Variants in NCKAP5 observed in about 807,000 individuals in gnomAD.
NCKAP5 encodes NCK associated protein 5.
In NCKAP5, 92 loss-of-function variants were observed where a neutral mutation model predicts 167.0. The observed-to-expected ratio is 0.55, with a 90% CI of 0.47 to 0.66. The LOEUF (loss-of-function observed/expected upper bound fraction) is 0.66, where lower values mean the gene tolerates loss of function less well. Among genes scored for constraint, NCKAP5 ranks in the 30% least tolerant of loss-of-function variants. The pLI, the probability that NCKAP5 is intolerant of heterozygous loss-of-function variation, is 0.00. For synonymous variants in NCKAP5, 891 were observed against 877.4 expected, an observed-to-expected ratio of 1.02 and a Z score of -0.27; for missense variants, 2,378 against 2,315.0, an observed-to-expected ratio of 1.03 and a Z score of -0.56.
chr2:133,431,498 G>A (rs953936826), intron 3 of NCKAP5, among the ~76,000 whole-genome samples: 3 of 152,138 alleles, frequency 2.0e-5, no homozygotes, highest in South Asian at 2.1e-4. Context: ...TGAACTTTCT[G>A]TTTCACTGAC....
chr2:133,244,100 C>G (rs2087860473), intron 4 of NCKAP5, among the ~76,000 whole-genome samples: 1 of 152,146 alleles, frequency 6.6e-6, no homozygotes, highest in Admixed American at 6.6e-5. Context: ...CTCCAGAGAT[C>G]TATTTCTAGA....
At chr2:132,979,214 CACTA>C (rs1449329595) in intron 7 of NCKAP5, among the ~76,000 whole-genome samples, 2 of 152,172 alleles carry the variant, frequency 1.3e-5, no homozygotes, top group Non-Finnish European at 2.9e-5. Flanking sequence ...TAGCAGGCAC[CACTA>C]ACTAAGGCGA....
intron 5 of NCKAP5, among the ~76,000 whole-genome samples, chr2:133,140,899 A>G (rs2082971389): frequency 6.6e-6 from 1 of 151,908 alleles, no homozygotes; most frequent in Non-Finnish European, 1.5e-5. Flanking sequence ...GTCTCTTCAA[A>G]GAGCACACTT....
intron 2 of NCKAP5, among the ~76,000 whole-genome samples, chr2:133,539,826 A>AT (rs1419381028): frequency 1.3e-5 from 2 of 152,222 alleles, no homozygotes; most frequent in African/African-American, 4.8e-5. Flanking sequence ...ATAGAATAAC[A>AT]TAGAACAAAT....
At chr2:132,947,757 G>A (rs570571287) in intron 8 of NCKAP5, among the ~76,000 whole-genome samples, 1 of 152,146 alleles carries the variant, frequency 6.6e-6, no homozygotes, top group East Asian at 1.9e-4. Context: ...TTAATTCCCA[G>A]ATATGGGAAA....
At chr2:132,823,987 A>G (rs1054021652) in intron 11 of NCKAP5, among the ~76,000 whole-genome samples, 2 of 152,236 alleles carry the variant, frequency 1.3e-5, no homozygotes, top group Admixed American at 6.5e-5. Flanking sequence ...GGAAAATATC[A>G]GAATCCTAAA....
At chr2:132,766,305 A>C (rs1681485427) in intron 16 of NCKAP5, among the ~76,000 whole-genome samples, 1 of 147,122 alleles carries the variant, frequency 6.8e-6, no homozygotes, top group Admixed American at 6.7e-5. Flanking sequence ...AAAAAAAAAA[A>C]GAGAAAATCA....
intron 3 of NCKAP5, among the ~76,000 whole-genome samples, chr2:133,381,149 G>A (rs1484633958): frequency 6.6e-6 from 1 of 152,188 alleles, no homozygotes; most frequent in African/African-American, 2.4e-5. Context: ...AGGGAAAACA[G>A]AAGGCCATAT....
intron 5 of NCKAP5, among the ~76,000 whole-genome samples, chr2:133,175,301 C>G (rs1222938074): frequency 2.6e-5 from 4 of 151,962 alleles, no homozygotes; most frequent in Non-Finnish European, 5.9e-5. Context: ...TTTTTTTGCC[C>G]TAGTTTGTCT....
intron 4 of NCKAP5, among the ~76,000 whole-genome samples, chr2:133,220,781 C>A (rs1210992253): frequency 1.3e-5 from 2 of 152,108 alleles, no homozygotes; most frequent in African/African-American, 4.8e-5. Flanking sequence ...TGCTACAGAG[C>A]CATCTGTTGC....
intron 8 of NCKAP5, among the ~76,000 whole-genome samples, chr2:132,879,443 C>G (rs1691578660): frequency 1.3e-5 from 2 of 152,188 alleles, no homozygotes; most frequent in Admixed American, 1.3e-4. Context: ...TTAAGCATCC[C>G]CTTCCCCACA....
intron 3 of NCKAP5, among the ~76,000 whole-genome samples, chr2:133,448,980 C>T (rs1691382793): frequency 6.6e-6 from 1 of 152,214 alleles, no homozygotes. Context: ...GACATATGCA[C>T]CATGTACACA....
intron 5 of NCKAP5, among the ~76,000 whole-genome samples, chr2:133,188,419 C>T (rs1431454636): frequency 6.6e-6 from 1 of 152,090 alleles, no homozygotes; most frequent in Non-Finnish European, 1.5e-5. Context: ...GAACCCAGCT[C>T]TGCACCAAGC....
intron 6 of NCKAP5, among the ~76,000 whole-genome samples, chr2:133,065,318 T>C (rs1443932101): frequency 1.3e-5 from 2 of 152,210 alleles, no homozygotes; most frequent in Non-Finnish European, 2.9e-5. Flanking sequence ...GCCATTTCTA[T>C]AGTTTTCCTC....
chr2:133,318,435 T>G (rs1681770942), intron 3 of NCKAP5, among the ~76,000 whole-genome samples: 1 of 152,204 alleles, frequency 6.6e-6, no homozygotes, highest in Admixed American at 6.5e-5. Flanking sequence ...ACAAAATGAT[T>G]ACCAATACTG....
chr2:132,758,208 A>T (rs1475116615), intron 16 of NCKAP5, among the ~76,000 whole-genome samples: 2 of 152,152 alleles, frequency 1.3e-5, no homozygotes, highest in Non-Finnish European at 2.9e-5. Context: ...GTGTGGGGGC[A>T]AATGAACCCT....
intron 4 of NCKAP5, among the ~76,000 whole-genome samples, chr2:133,256,964 C>T (rs1044535407): frequency 6.6e-6 from 1 of 152,190 alleles, no homozygotes; most frequent in African/African-American, 2.4e-5. Flanking sequence ...TTACCCTCTA[C>T]AGACTGTAGG....
intron 3 of NCKAP5, chr2:133,333,753 A>G (rs919976563): frequency 6.6e-6 from 1 of 152,212 alleles, no homozygotes; most frequent in Non-Finnish European, 1.5e-5. Context: ...TTTTTATATC[A>G]TATTGATTTT....
intron 3 of NCKAP5, among the ~76,000 whole-genome samples, chr2:133,331,515 C>CT (rs1682854560): frequency 1.3e-5 from 2 of 152,326 alleles, no homozygotes; most frequent in Middle Eastern, 3.4e-3. Context: ...CCCGTTATGA[C>CT]TGAGAGCAGC....
Sources: gnomAD v4.1 joint callset for allele counts (sites outside exome capture counted in the v4.1 genomes callset) on GRCh38, gnomAD v4.1.1 for gene constraint, MANE v1.5 for transcripts, NCBI Gene and HGNC (gene_info 2026-07-23, HGNC 2026-07-21) for gene names.